TRIM46: variants seen among roughly 807,000 people sequenced by gnomAD.
TRIM46 encodes the protein tripartite motif containing 46, also known as tripartite motif-containing protein 46.
Under a neutral mutation model 69.7 loss-of-function variants are expected in TRIM46, and 17 were observed. The observed-to-expected ratio is 0.24, with a 90% CI of 0.17 to 0.37. The LOEUF is 0.37. Ranked by LOEUF, TRIM46 falls within the 10% of genes least tolerant of loss-of-function variation. The pLI, the probability that TRIM46 is intolerant of heterozygous loss-of-function variation, is 1.00. For synonymous variants in TRIM46, 391 were observed against 429.0 expected (o/e 0.91, Z 1.09); for missense variants, 675 against 1,025.1 (o/e 0.66, Z 4.66).
In TRIM46 at chr1:155,177,241, C is replaced by T. The variant is rs376400786; in HGVS notation, c.860C>T (p.Thr287Met). ...ACATACATCCTGGGAAACCAGGACA[C>T]GGTACAGACCCAGATCTGTGAGCTG... ...SLTYILGNQD[T>M]VQTQICELEE... is the part of the protein sequence containing the mutation. The change falls in exon 5 of 10, where the codon ACG becomes ATG. Residue 287 changes from threonine to methionine, a missense_variant. By Grantham distance (81) the Thr-to-Met change is moderately conservative. Transcript: ENST00000334634. 140 of 1,614,058 alleles carry T rather than the reference C, an allele frequency of 8.7e-5. No individual in the cohort carries two copies. Among genetic ancestry groups the T allele is most frequent in the South Asian group, 3.6e-4 (33 of 91,084 alleles).
chr1:155,182,291 C>A, intron 9 of TRIM46, 142 bp downstream of exon 9: 1 of 969,210 alleles, frequency 1.0e-6, no homozygotes, highest in Non-Finnish European at 1.5e-6. Flanking sequence ...GGAAGCCAGG[C>A]TGGGAGGCCT....
rs548203312 is a variant in TRIM46 at position 155,174,163 on chromosome 1, G to T, written c.63+134G>T. On this transcript the variant is annotated intron_variant, in intron 1 of 9. Coordinates refer to ENST00000334634, the MANE Select transcript of TRIM46 (RefSeq NM_025058.5). ...GGCTAGCGATGGCAGAAACGGCTGG[G>T]AGGGTCGGGATGCAGGTATGAGAGG... 48 of 1,070,516 alleles carry T rather than the reference G, an allele frequency of 4.5e-5. No individual in the cohort carries two copies. In the South Asian group the frequency reaches 6.9e-4, roughly 15 times the overall value. The allele number at this position is 1,070,516 out of a possible 1,614,324, so 66.3% of individuals were successfully genotyped here. A position where few individuals can be genotyped will look rare whatever the true frequency, so the allele number is the denominator to read the frequency against.
chr1:155,182,302 G>C, intron 9 of TRIM46, 153 bp downstream of exon 9: 1 of 857,410 alleles, frequency 1.2e-6, no homozygotes, highest in Non-Finnish European at 1.8e-6. Flanking sequence ...TGGGAGGCCT[G>C]TGTCCAGGAG....
chr1:155,174,506 G>A, intron 1 of TRIM46: 1 of 1,433,294 alleles, frequency 7.0e-7, no homozygotes. Context: ...CGGTTGTCAT[G>A]GCAACCCGTG....
intron 1 of TRIM46, chr1:155,174,621 G>A (rs1316580839): frequency 6.5e-7 from 1 of 1,529,114 alleles, no homozygotes; most frequent in Non-Finnish European, 8.7e-7. Context: ...GACCGGGATG[G>A]CTGCGAAGAG....
At position 155,178,966 on chromosome 1, in the gene TRIM46, A is replaced by G. The variant is rs191604048; in HGVS notation, c.1285+353A>G. On this transcript the variant is annotated intron_variant, in intron 7 of 9. Coordinates refer to ENST00000334634, the MANE Select transcript of TRIM46 (RefSeq NM_025058.5). ...TCCTTCTCTTTCCTGCCTTGCCCCG[A>G]CCTCGTGGTCCTCCCACTGGACCAA... The G allele has an allele frequency of 9.5e-4, 649 of 684,916 alleles. 2 individuals carry two copies. The African/African-American group carries it at 0.011, about 11-fold the overall frequency. 42.4% of individuals were successfully genotyped at this position (684,916 alleles called of 1,614,324 possible).
At position 155,174,526 on chromosome 1, in the gene TRIM46, C is replaced by T; in HGVS notation, c.63+497C>T. The T allele has an allele frequency of 2.7e-6, 4 of 1,456,644 alleles. No individual in the cohort carries two copies. In the South Asian group the frequency reaches 5.6e-5, roughly 20 times the overall value. 90.2% of individuals were successfully genotyped at this position (1,456,644 alleles called of 1,614,324 possible). On this transcript the variant is annotated intron_variant, in intron 1 of 9. Coordinates refer to ENST00000334634, the MANE Select transcript of TRIM46 (RefSeq NM_025058.5). ...GTCATGGCAACCCGTGCCTGGCTCT[C>T]CCAGGGGCGGTGCCAACCGTGTTCC...
intron 9 of TRIM46, 35 bp downstream of exon 9, chr1:155,182,184 T>C: frequency 1.9e-6 from 3 of 1,593,442 alleles, no homozygotes; most frequent in Non-Finnish European, 2.6e-6. Flanking sequence ...GGTGTGGGGG[T>C]CCTGGTGGGA....
rs1293115979 is a variant in TRIM46 at position 155,176,084 on chromosome 1, G to A, written c.522G>A (p.Leu174=). ...VSVGGAILCQ[L]CKPPPLEATK... is the part of the protein sequence containing the mutation. ...TGGGAGGTGCCATCCTGTGCCAGTTGTGCAAGCCCCCACCACTAGAGGCCA... is the reference window on the plus strand; with the variant it reads ...TGGGAGGTGCCATCCTGTGCCAGTTATGCAAGCCCCCACCACTAGAGGCCA... Residue 174 remains leucine (L), a synonymous_variant, in exon 3 of 10, where the codon TTG becomes TTA. Transcript: ENST00000334634. The A allele has an allele frequency of 5.0e-6, 8 of 1,614,048 alleles. No homozygotes were observed. Among genetic ancestry groups the A allele is most frequent in the Non-Finnish European group, 6.8e-6 (8 of 1,180,024 alleles).
At chr1:155,183,696 C>T (rs774520571) in intron 9 of TRIM46, 101 bp from the exon 10 acceptor site, 19 of 1,485,846 alleles carry the variant, frequency 1.3e-5, no homozygotes, top group Non-Finnish European at 1.6e-5. Flanking sequence ...ATCCCTTCAA[C>T]CTCTTGCTCC....
In TRIM46 at chr1:155,176,934, C is replaced by G. The variant is rs768231030; in HGVS notation, c.672C>G (p.Gly224=). 9.9e-6 allele frequency: 16 copies of G among 1,613,778 alleles called. No homozygotes were observed. The East Asian group carries it at 3.3e-4, about 34-fold the overall frequency. Residue 224 remains glycine, a splice_region_variant and synonymous_variant, in exon 4 of 10, where the codon GGC becomes GGG. Transcript: ENST00000334634. ...CACATTGTTCTTTGTGTCCCTAGGG[C>G]CTTATGTGCCCAGACCACAAGGAAG... is the stretch of plus-strand genomic sequence containing the variant. ...TLPTLSFRPK[G]LMCPDHKEEV...
Position 155,175,553 on chromosome 1 carries a change from C to A in TRIM46, c.231C>A (p.Pro77=). ...IGHGGDPSSE[P]TSPASTPSTR... is the part of the protein sequence containing the mutation. The stretch of plus-strand genomic sequence containing the variant: ...ATGGTGGGGACCCCAGCTCCGAGCC[C>A]ACCTCTCCTGCCTCCACCCCTTCCA... Residue 77 remains proline (P), a synonymous_variant, in exon 2 of 10, where the codon CCC becomes CCA. Coordinates refer to ENST00000334634, the MANE Select transcript of TRIM46 (RefSeq NM_025058.5). The surrounding 1 kb of genome is among the most constrained non-coding windows in gnomAD (Gnocchi z 4.2). The A allele has an allele frequency of 6.2e-7, 1 of 1,613,778 alleles. No individual in the cohort carries two copies. Among genetic ancestry groups the A allele is most frequent in the Non-Finnish European group, 8.5e-7 (1 of 1,179,860 alleles).
chr1:155,181,722 G>A lies in TRIM46; in HGVS notation c.1589-130G>A, dbSNP rs1666186303. The A allele has an allele frequency of 2.0e-6, 2 of 981,566 alleles. No individual in the cohort carries two copies. The highest frequency in any genetic ancestry group is 5.0e-5 in the East Asian group (2 of 39,736). The allele number at this position is 981,566 out of a possible 1,614,324, so 60.8% of individuals were successfully genotyped here. A position where few individuals can be genotyped will look rare whatever the true frequency, so the allele number is the denominator to read the frequency against. ...CCAGTTTCCCATGTCCTGTTCTCCT[G>A]AACCCCCTGCCTGTTCCTGGTGACT... On this transcript the variant is annotated intron_variant, in intron 8 of 9. Coordinates refer to ENST00000334634, the MANE Select transcript of TRIM46 (RefSeq NM_025058.5). The surrounding 1 kb of genome is among the most constrained non-coding windows in gnomAD (Gnocchi z 4.3).
Position 155,183,915 on chromosome 1 carries a change from T to A in TRIM46, c.2005T>A (p.Ser669Thr). Residue 669 changes from serine (S) to threonine (T), a missense_variant, in exon 10 of 10, where the codon TCA (serine) becomes ACA (threonine). By Grantham distance (58) the Ser-to-Thr change is moderately conservative. Coordinates refer to ENST00000334634, the MANE Select transcript of TRIM46 (RefSeq NM_025058.5). Reference sequence around the variant, plus strand: ...GATCCTGCTGGGGTCGGGGGCAAGCTCAAACGCAGGGCTGACAGGGAGGGA... The same window carrying A: ...GATCCTGCTGGGGTCGGGGGCAAGCACAAACGCAGGGCTGACAGGGAGGGA... The part of the protein sequence containing the change: ...GKILLGSGAS[S>T]NAGLTGRDGP... The A allele has an allele frequency of 2.5e-6, 4 of 1,613,766 alleles. No individual in the cohort carries two copies. Among genetic ancestry groups the A allele is most frequent in the Non-Finnish European group, 2.5e-6 (3 of 1,180,022 alleles).
chr1:155,174,332 G>T (rs921414819), intron 1 of TRIM46, among the ~76,000 whole-genome samples: 1 of 152,126 alleles, frequency 6.6e-6, no homozygotes, highest in Admixed American at 6.6e-5. Flanking sequence ...TCAGGGGAAA[G>T]GCCCTGTTAT....
intron 3 of TRIM46, among the ~76,000 whole-genome samples, chr1:155,176,691 A>G (rs1388022140): frequency 6.6e-6 from 1 of 152,220 alleles, no homozygotes; most frequent in Non-Finnish European, 1.5e-5. Flanking sequence ...TGTTATTACC[A>G]TATATCCCAA....
At chr1:155,176,904 A>G in intron 3 of TRIM46, 28 bp from the exon 4 acceptor site, 1 of 1,607,550 alleles carries the variant, frequency 6.2e-7, no homozygotes, top group Non-Finnish European at 8.5e-7. Flanking sequence ...CCATTGTCTG[A>G]CCATCACATT....
intron 5 of TRIM46, 142 bp from the exon 6 acceptor site, chr1:155,177,860 C>A: frequency 2.4e-6 from 3 of 1,244,752 alleles, no homozygotes; most frequent in Non-Finnish European, 3.3e-6. Context: ...GAGCCCAGGC[C>A]CTGTAGGAAT....
In TRIM46 at chr1:155,183,909, G is replaced by A. The variant is rs758856150; in HGVS notation, c.1999G>A (p.Ala667Thr). 2.5e-6 allele frequency: 4 copies of A among 1,613,618 alleles called. No homozygotes were observed. The highest frequency in any genetic ancestry group is 3.4e-6 in the Non-Finnish European group (4 of 1,180,046). Residue 667 changes from alanine (A) to threonine (T), a missense_variant, in exon 10 of 10, where the codon GCA becomes ACA. This residue lies in a region of TRIM46 where 108 missense variants were observed against 153.0 expected (regional missense o/e 0.71). Coordinates refer to ENST00000334634, the MANE Select transcript of TRIM46 (RefSeq NM_025058.5). The stretch of plus-strand genomic sequence containing the variant: ...GGGCAAGATCCTGCTGGGGTCGGGG[G>A]CAAGCTCAAACGCAGGGCTGACAGG... ...GMGKILLGSG[A>T]SSNAGLTGRD... is the part of the protein sequence containing the mutation.
Sources: allele counts gnomAD v4.1 joint callset (sites outside exome capture counted in the v4.1 genomes callset), GRCh38; gene constraint gnomAD v4.1.1; regional missense constraint gnomAD v4.1.1; non-coding constraint Gnocchi (gnomAD v3.1); transcripts MANE v1.5; gene names NCBI Gene and HGNC (gene_info 2026-07-23, HGNC 2026-07-21).